The following SUPT20H variants were observed in gnomAD, a reference collection of about 807,000 sequenced individuals.
SUPT20H encodes transcription factor SPT20 homolog.
Under a neutral mutation model 122.8 loss-of-function variants are expected in SUPT20H, and 82 were observed. The ratio of observed to expected loss-of-function variants is 0.67; its 90% CI spans 0.56 to 0.80. SUPT20H has a LOEUF of 0.80. Ranked by LOEUF, SUPT20H falls within the 30% of genes least tolerant of loss-of-function variation. The pLI is 0.00. For synonymous variants in SUPT20H, 291 were observed against 313.0 expected (o/e 0.93, Z 0.74); for missense variants, 831 against 921.6 (o/e 0.90, Z 1.27).
chr13:37,051,493 T>C lies in SUPT20H; in HGVS notation c.-3A>G. 4 of 1,611,684 alleles carry C rather than the reference T, an allele frequency of 2.5e-6. No homozygotes were observed. The highest frequency in any genetic ancestry group is 3.4e-6 in the Non-Finnish European group (4 of 1,178,338). Reference sequence around the variant, plus strand: ...CATACTGAGCTGAAGCTTACCATTATGGCATAAAATAAGGGTCCAAAAGAA... The same window carrying C: ...CATACTGAGCTGAAGCTTACCATTACGGCATAAAATAAGGGTCCAAAAGAA... On this transcript the variant is annotated 5_prime_UTR_variant, in exon 2 of 26. Coordinates refer to ENST00000350612, the MANE Select transcript of SUPT20H (RefSeq NM_001014286.3).
intron 25 of SUPT20H, among the ~76,000 whole-genome samples, chr13:37,010,138 G>A (rs1359170413): frequency 6.6e-6 from 1 of 152,138 alleles, no homozygotes; most frequent in African/African-American, 2.4e-5. Context: ...TGAATATCAA[G>A]ATAGTCAACT....
At chr13:37,032,886 A>G (rs1187218968) in intron 10 of SUPT20H, among the ~76,000 whole-genome samples, 1 of 152,216 alleles carries the variant, frequency 6.6e-6, no homozygotes, top group Non-Finnish European at 1.5e-5. Context: ...GATTCAGTTT[A>G]TAACTGACTT....
Position 37,031,599 on chromosome 13 carries a change from G to A in SUPT20H, c.889C>T (p.Pro297Ser). ...GNCVDMWKRS[P>S]CNLAIPSEVD... ...TCAGAAGGTATGGCCAAATTACAGG[G>A]ACTCCGTTTCCACATATCTACACAC... The change falls in exon 12 of 26, where the codon CCC becomes TCC. Residue 297 changes from proline (P) to serine (S), a missense_variant. Pro to Ser is a moderately conservative substitution (Grantham distance 74). Coordinates refer to ENST00000350612, the MANE Select transcript of SUPT20H (RefSeq NM_001014286.3). 3.2e-6 allele frequency: 5 copies of A among 1,562,120 alleles called. No individual in the cohort carries two copies. Among genetic ancestry groups the A allele is most frequent in the Non-Finnish European group, 4.3e-6 (5 of 1,162,976 alleles).
chr13:37,017,642 A>AT (rs1419633247), intron 22 of SUPT20H, among the ~76,000 whole-genome samples: 1 of 151,758 alleles, frequency 6.6e-6, no homozygotes, highest in Non-Finnish European at 1.5e-5. Context: ...TTCACATGCT[A>AT]TTTTTCATTT....
At chr13:37,053,004 T>C (rs1566366138) in intron 1 of SUPT20H, among the ~76,000 whole-genome samples, 1 of 152,104 alleles carries the variant, frequency 6.6e-6, no homozygotes, top group Non-Finnish European at 1.5e-5. Context: ...ATGGCAGTCA[T>C]TAAAAAGTCT....
rs530971489 is a variant in SUPT20H at position 37,019,211 on chromosome 13, A to G, written c.1872+131T>C. 6 of 615,952 alleles carry G rather than the reference A, an allele frequency of 9.7e-6. 1 individual carries two copies. The South Asian group carries it at 1.1e-4, about 11-fold the overall frequency. 38.2% of individuals were successfully genotyped at this position (615,952 alleles called of 1,614,324 possible). On this transcript the variant is annotated intron_variant, in intron 22 of 25. Transcript: ENST00000350612. ...TCCGCTTGATCATACAAAGGTAGCA[A>G]TAATAACCACACCCTTAGAAGAATC...
chr13:37,012,377 C>G (rs896673029), intron 23 of SUPT20H, 80 bp from the exon 24 acceptor site: 1 of 1,168,828 alleles, frequency 8.6e-7, no homozygotes, highest in Non-Finnish European at 1.3e-6. Context: ...GTATTTTTTC[C>G]TATATGAAAG....
intron 9 of SUPT20H, chr13:37,040,144 G>C: frequency 3.0e-6 from 1 of 332,730 alleles, no homozygotes; most frequent in Non-Finnish European, 5.4e-6. Flanking sequence ...TTCTGTTTGA[G>C]AGGAGATAAA....
intron 13 of SUPT20H, among the ~76,000 whole-genome samples, chr13:37,029,018 C>T (rs1268468404): frequency 2.0e-5 from 3 of 151,704 alleles, no homozygotes; most frequent in Non-Finnish European, 4.4e-5. Context: ...TGCTATCACA[C>T]ACAAAAAACA....
chr13:37,026,608 A>G (rs1269667050), intron 15 of SUPT20H, among the ~76,000 whole-genome samples, 182 bp downstream of exon 15: 1 of 152,094 alleles, frequency 6.6e-6, no homozygotes, highest in Non-Finnish European at 1.5e-5. Flanking sequence ...CCTTCCTCTC[A>G]CTTTAACCTG....
chr13:37,051,601 T>G lies in SUPT20H; in HGVS notation c.-93-18A>C. The stretch of plus-strand genomic sequence containing the variant: ...TTACAGTACTGAAAAGCAAAAACAA[T>G]AAAACCCCAATATTAACATAAGGCT... On this transcript the variant is annotated intron_variant, in intron 1 of 25. Coordinates refer to ENST00000350612, the MANE Select transcript of SUPT20H (RefSeq NM_001014286.3). 1.2e-6 allele frequency: 1 copy of G among 827,708 alleles called. No individual in the cohort carries two copies. Among genetic ancestry groups the G allele is most frequent in the Non-Finnish European group, 1.9e-6 (1 of 527,684 alleles). 51.3% of individuals were successfully genotyped at this position (827,708 alleles called of 1,614,324 possible). A position where few individuals can be genotyped will look rare whatever the true frequency, so the allele number is the denominator to read the frequency against.
intron 6 of SUPT20H, among the ~76,000 whole-genome samples, 156 bp downstream of exon 6, chr13:37,045,091 A>G (rs899921524): frequency 1.2e-4 from 19 of 152,206 alleles, no homozygotes. Context: ...AAAACATATC[A>G]TAAGGAAGAA....
At chr13:37,058,560 A>C (rs1329935463) in intron 1 of SUPT20H, among the ~76,000 whole-genome samples, 8 of 152,224 alleles carry the variant, frequency 5.3e-5, no homozygotes, top group Admixed American at 5.2e-4. Context: ...GACAAAAACT[A>C]ATAACTTCAT....
chr13:37,024,016 A>C lies in SUPT20H; in HGVS notation c.1591+19T>G, dbSNP rs1192666647. 2 of 1,587,556 alleles carry C rather than the reference A, an allele frequency of 1.3e-6. No homozygotes were observed. Among genetic ancestry groups the C allele is most frequent in the Non-Finnish European group, 1.7e-6 (2 of 1,169,712 alleles). On this transcript the variant is annotated intron_variant, in intron 19 of 25. Transcript: ENST00000350612. Reference sequence around the variant, plus strand: ...AAAAGCTTATGAAGATTTAATGAAGAATTTAAGTTATGACTCACTTTGTGA... The same window carrying C: ...AAAAGCTTATGAAGATTTAATGAAGCATTTAAGTTATGACTCACTTTGTGA...
At position 37,024,413 on chromosome 13, in the gene SUPT20H, C is replaced by G. The variant is rs771315432; in HGVS notation, c.1359G>C (p.Ser453=). The G allele has an allele frequency of 1.9e-6, 3 of 1,576,946 alleles. No homozygotes were observed. Among genetic ancestry groups the G allele is most frequent in the Non-Finnish European group, 1.7e-6 (2 of 1,165,060 alleles). Residue 453 remains serine, a synonymous_variant, in exon 18 of 26, where the codon TCG becomes TCC. Coordinates refer to ENST00000350612, the MANE Select transcript of SUPT20H (RefSeq NM_001014286.3). The part of the protein sequence containing the change: ...DQTETVSVQS[S]VLGKGVKHRP... ...GATGTTTTACACCCTTCCCCAATAC[C>G]GAAGACTGAACTGACACGGTTTCAG...
intron 23 of SUPT20H, chr13:37,013,412 T>C (rs1414482746): frequency 3.3e-5 from 5 of 151,668 alleles, no homozygotes; most frequent in Non-Finnish European, 5.9e-5. Flanking sequence ...ATTGAAACAA[T>C]TGGATACTGA....
chr13:37,012,887 A>C (rs1399351701), intron 23 of SUPT20H: 1 of 152,088 alleles, frequency 6.6e-6, no homozygotes, highest in Non-Finnish European at 1.5e-5. Flanking sequence ...ACTCAAAAAA[A>C]AAGAGAAAAG....
At position 37,040,605 on chromosome 13, in the gene SUPT20H, G is replaced by A. The variant is rs1476904187; in HGVS notation, c.484C>T (p.Arg162Trp). The change falls in exon 8 of 26, where the codon CGG (arginine) becomes TGG (tryptophan). Residue 162 changes from arginine (R) to tryptophan (W), a missense_variant. By Grantham distance (101) the Arg-to-Trp change is moderately radical. Transcript: ENST00000350612. ...ATTGTTGGACGTAAGAGAATGTGCC[G>A]ACTTTGGTAACCAGGAGATTTCATG... is the stretch of plus-strand genomic sequence containing the variant. ...SNMKSPGYQSRHILLRPTMQT... is the reference protein window; with the variant it reads ...SNMKSPGYQSWHILLRPTMQT... The A allele has an allele frequency of 6.8e-6, 11 of 1,614,038 alleles. No individual in the cohort carries two copies. Among genetic ancestry groups the A allele is most frequent in the East Asian group, 6.7e-5 (3 of 44,852 alleles).
In SUPT20H at chr13:37,022,011, C is replaced by A. The variant is rs779539360; in HGVS notation, c.1661G>T (p.Cys554Phe). 2 of 1,559,474 alleles carry A rather than the reference C, an allele frequency of 1.3e-6. No homozygotes were observed. The highest frequency in any genetic ancestry group is 2.3e-5 in the East Asian group (1 of 43,716). Residue 554 changes from cysteine (C) to phenylalanine (F), a missense_variant and splice_region_variant, in exon 20 of 26, where the codon TGT becomes TTT. Transcript: ENST00000350612. This position sits in a 1 kb window ranked among gnomAD's most constrained non-coding sequence, Gnocchi z 4.5. The stretch of plus-strand genomic sequence containing the variant: ...AATCCGAACATCAATGCAAACTTAC[C>A]AAACAGAGCCCACTACATTGATGAA... The part of the protein sequence containing the change: ...LNFINVVGSV[C>F]GAQALMSGSN...
Sources: gnomAD v4.1 joint callset for allele counts (sites outside exome capture counted in the v4.1 genomes callset) on GRCh38, gnomAD v4.1.1 for gene constraint, Gnocchi (gnomAD v3.1) non-coding constraint, MANE v1.5 for transcripts, NCBI Gene and HGNC (gene_info 2026-07-23, HGNC 2026-07-21) for gene names.